Variants in KDM2B observed in about 807,000 individuals in gnomAD.
The protein encoded by KDM2B is lysine-specific demethylase 2B.
A neutral mutation model predicts 150.0 loss-of-function variants in KDM2B; 26 were observed. The ratio of observed to expected loss-of-function variants is 0.17; its 90% CI spans 0.13 to 0.24. KDM2B has a LOEUF of 0.24. Among genes scored for constraint, KDM2B ranks in the 10% least tolerant of loss-of-function variants. The pLI is 1.00. For missense variants in KDM2B, 1,265 were observed against 1,816.9 expected (o/e 0.70, Z 5.52); for synonymous variants, 734 against 729.5 (o/e 1.01, Z -0.10).
At chr12:121,506,230 C>T (rs1217271663) in intron 11 of KDM2B, among the ~76,000 whole-genome samples, 1 of 152,124 alleles carries the variant, frequency 6.6e-6, no homozygotes, top group African/African-American at 2.4e-5. Flanking sequence ...TGGTCTCAAA[C>T]TCCTGGGCTC....
intron 4 of KDM2B, among the ~76,000 whole-genome samples, chr12:121,551,018 G>T (rs905868181): frequency 6.6e-6 from 1 of 151,992 alleles, no homozygotes. Flanking sequence ...CTAAGTAGTT[G>T]CAACAGACCA....
chr12:121,420,478 C>T, the KDM2B span: 1 of 1,568,428 alleles, frequency 6.4e-7, no homozygotes, highest in Non-Finnish European at 8.7e-7. Context: ...TCTAGGACTG[C>T]TGAGATGGCT....
rs1387835262 is a variant in KDM2B, at chr12:121,467,593, G to C, written c.1735-14249C>G. On this transcript the variant is annotated intron_variant, in intron 12 of 22. Coordinates refer to ENST00000377071, the MANE Select transcript of KDM2B (RefSeq NM_032590.5). The surrounding 1 kb of genome is among the most constrained non-coding windows in gnomAD (Gnocchi z 5.1). ...GAGCGCGGGGACTGGGGCTGCGTGG[G>C]GGCGTGCCCCGCGCCCCGCCCGGCC... 2.0e-5 allele frequency: 3 copies of C among 148,910 alleles called. No homozygotes were observed. Among genetic ancestry groups the C allele is most frequent in the Admixed American group, 6.7e-5 (1 of 14,968 alleles). 9.2% of individuals were successfully genotyped at this position (148,910 alleles called of 1,614,324 possible).
chr12:121,494,555 C>T (rs782156778), intron 12 of KDM2B, 24 bp downstream of exon 12: 27 of 1,596,828 alleles, frequency 1.7e-5, no homozygotes, highest in Middle Eastern at 1.7e-4. Context: ...AGCGGCCGCC[C>T]GCTGCAGGCA....
intron 8 of KDM2B, among the ~76,000 whole-genome samples, chr12:121,526,045 G>T (rs1274099718): frequency 6.6e-6 from 1 of 152,130 alleles, no homozygotes; most frequent in African/African-American, 2.4e-5. Context: ...CACCAAGTGG[G>T]CCCTTAAGAA....
intron 12 of KDM2B, among the ~76,000 whole-genome samples, chr12:121,485,365 C>A (rs534964206): frequency 6.6e-6 from 1 of 152,060 alleles, no homozygotes; most frequent in African/African-American, 2.4e-5. Context: ...CCCGAAGTCG[C>A]CCTGTAAATT....
chr12:121,510,048 G>T lies in KDM2B; in HGVS notation c.1175-9C>A. ...GGGCTTCCTCGGGGCATCTGTGGGG[G>T]CAGGGTCACAAGAAAGACCGAGATG... On this transcript the variant is annotated splice_polypyrimidine_tract_variant and intron_variant, in intron 10 of 22. Coordinates refer to ENST00000377071, the MANE Select transcript of KDM2B (RefSeq NM_032590.5). The T allele has an allele frequency of 6.5e-7, 1 of 1,531,520 alleles. No individual in the cohort carries two copies. The allele number at this position is 1,531,520 out of a possible 1,614,324, so 94.9% of individuals were successfully genotyped here. A position where few individuals can be genotyped will look rare whatever the true frequency, so the allele number is the denominator to read the frequency against.
the KDM2B span, among the ~76,000 whole-genome samples, chr12:121,413,963 G>C: frequency 6.6e-6 from 1 of 152,186 alleles, no homozygotes; most frequent in African/African-American, 2.4e-5. Context: ...TGATACTTCA[G>C]ACTGTTTGAA....
intron 7 of KDM2B, among the ~76,000 whole-genome samples, chr12:121,534,180 T>A (rs780304172): frequency 2.0e-5 from 3 of 152,078 alleles, no homozygotes; most frequent in South Asian, 2.1e-4. Context: ...AAACCCCGTC[T>A]CTACTAAAAA....
At chr12:121,466,345 CT>C (rs1262457948) in intron 12 of KDM2B, among the ~76,000 whole-genome samples, 1 of 152,216 alleles carries the variant, frequency 6.6e-6, no homozygotes, top group African/African-American at 2.4e-5. Flanking sequence ...AAAACCTCAA[CT>C]TTTTTCGCCT....
Position 121,525,381 on chromosome 12 carries a change from C to T in KDM2B, c.932-4281G>A, listed in dbSNP as rs1427381119. On this transcript the variant is annotated intron_variant, in intron 8 of 22. Coordinates refer to ENST00000377071, the MANE Select transcript of KDM2B (RefSeq NM_032590.5). ...TCCCAGGTTCAAGCCATTCTCCTGC[C>T]TCAGCCTCCTGAGTAGCTGGAATCA... is the stretch of plus-strand genomic sequence containing the variant. 3.3e-5 allele frequency among the ~76,000 whole-genome samples: 5 copies of T among 152,216 alleles called. No individual in the cohort carries two copies. The East Asian group carries it at 9.7e-4, about 29-fold the overall frequency.
chr12:121,450,101 G>A (rs1406911568), intron 13 of KDM2B, among the ~76,000 whole-genome samples: 1 of 152,108 alleles, frequency 6.6e-6, no homozygotes, highest in African/African-American at 2.4e-5. Flanking sequence ...ATCACCTGAG[G>A]TCAGGGGTTT....
chr12:121,529,617 G>A (rs1555307484), intron 8 of KDM2B, among the ~76,000 whole-genome samples: 2 of 151,942 alleles, frequency 1.3e-5, no homozygotes, highest in Non-Finnish European at 2.9e-5. Context: ...GAATCCCCAG[G>A]CCTGGGGAGG....
Position 121,453,203 on chromosome 12 carries a change from C to T in KDM2B, c.1876G>A (p.Glu626Lys). 1 of 1,613,146 alleles carries T rather than the reference C, an allele frequency of 6.2e-7. No homozygotes were observed. Among genetic ancestry groups the T allele is most frequent in the Non-Finnish European group, 8.5e-7 (1 of 1,179,542 alleles). The change falls in exon 13 of 23, where the codon GAG (glutamate) becomes AAG (lysine). Residue 626 changes from glutamate (E) to lysine (K), a missense_variant. Glu to Lys is a moderately conservative substitution (Grantham distance 56). This residue lies in a region of KDM2B where 18 missense variants were observed against 67.8 expected (regional missense o/e 0.27). Transcript: ENST00000377071. The surrounding 1 kb of genome is among the most constrained non-coding windows in gnomAD (Gnocchi z 6.4). ...CEACLRTECG[E>K]CHFCKDMKKF... ...TTCATGTCCTTGCAGAAGTGGCACT[C>T]TCCGCACTCGGTCCGCAGGCAGGCC... is the stretch of plus-strand genomic sequence containing the variant.
intron 11 of KDM2B, among the ~76,000 whole-genome samples, chr12:121,509,205 T>C (rs1555303427): frequency 1.3e-5 from 2 of 151,992 alleles, no homozygotes; most frequent in African/African-American, 4.8e-5. Context: ...ACTACAGGCA[T>C]ACGCCACCAG....
chr12:121,442,007 C>T lies in KDM2B; in HGVS notation c.3284+150G>A, dbSNP rs1875185038. ...CCTCCTCTGACAAGACCAGAGGGGC[C>T]GCTGTAGCCAGCTGGAACGCTTTGC... On this transcript the variant is annotated intron_variant, in intron 19 of 22. Transcript: ENST00000377071. The surrounding 1 kb of genome is among the most constrained non-coding windows in gnomAD (Gnocchi z 7.7). 3 of 669,178 alleles carry T rather than the reference C, an allele frequency of 4.5e-6. No homozygotes were observed. Among genetic ancestry groups the T allele is most frequent in the Non-Finnish European group, 7.7e-6 (3 of 390,028 alleles). 41.5% of individuals were successfully genotyped at this position (669,178 alleles called of 1,614,324 possible). A position where few individuals can be genotyped will look rare whatever the true frequency, so the allele number is the denominator to read the frequency against.
chr12:121,420,439 T>A, the KDM2B span: 7 of 1,552,340 alleles, frequency 4.5e-6, no homozygotes, highest in South Asian at 8.2e-5. Context: ...TTCTTCTGGT[T>A]TGAATGTAGG....
rs112833122 is a variant in KDM2B at position 121,559,638 on chromosome 12, T to C, written c.398-10000A>G. Among the ~76,000 whole-genome samples the C allele has an allele frequency of 5.5e-3, 831 of 152,178 alleles. 6 individuals are homozygous for C. The highest frequency in any genetic ancestry group is 0.019 in the African/African-American group (769 of 41,518). ...CAACCAGGCCAGGTGCAGTGGCTCA[T>C]GCCTGTAATCCCAGCACTTTGGGAG... On this transcript the variant is annotated intron_variant, in intron 4 of 22. Transcript: ENST00000377071.
At chr12:121,490,848 T>C (rs1255640891) in intron 12 of KDM2B, among the ~76,000 whole-genome samples, 6 of 152,124 alleles carry the variant, frequency 3.9e-5, no homozygotes, top group Non-Finnish European at 5.9e-5. Flanking sequence ...GGAGGCAAGG[T>C]GGGAGATCAA....
Sources: allele counts gnomAD v4.1 joint callset (sites outside exome capture counted in the v4.1 genomes callset), GRCh38; gene constraint gnomAD v4.1.1; regional missense constraint gnomAD v4.1.1; non-coding constraint Gnocchi (gnomAD v3.1); transcripts MANE v1.5; gene names NCBI Gene and HGNC (gene_info 2026-07-23, HGNC 2026-07-21).